The following PARD3 variants were observed in gnomAD, a reference collection of about 807,000 sequenced individuals.
The protein encoded by PARD3 is par-3 family cell polarity regulator, also known as partitioning defective 3 homolog.
PARD3 carries 75 observed loss-of-function variants against 155.4 expected under a neutral mutation model. The ratio of observed to expected loss-of-function variants is 0.48; its 90% confidence interval spans 0.40 to 0.58. The LOEUF (loss-of-function observed/expected upper bound fraction) is 0.58. Ranked by LOEUF, PARD3 falls within the 20% of genes least tolerant of loss-of-function variation. The pLI is 0.00. For synonymous variants in PARD3, 576 were observed against 610.5 expected (o/e 0.94, Z 0.83); for missense variants, 1,642 against 1,721.7 (o/e 0.95, Z 0.82).
chr10:34,724,411 T>C (rs2094663539), intron 1 of PARD3, among the ~76,000 whole-genome samples: 1 of 152,154 alleles, frequency 6.6e-6, no homozygotes, highest in East Asian at 1.9e-4. Flanking sequence ...AAGAGTTTTT[T>C]GTTTTGTTTA....
At chr10:34,602,253 T>C (rs764028777) in intron 2 of PARD3, among the ~76,000 whole-genome samples, 1 of 152,190 alleles carries the variant, frequency 6.6e-6, no homozygotes, top group East Asian at 1.9e-4. Flanking sequence ...TCAAAAAAAA[T>C]TTCAATGTTA....
At position 34,378,087 on chromosome 10, in the gene PARD3, G is replaced by C; in HGVS notation, c.1419C>G (p.Phe473Leu). The part of the protein sequence containing the change: ...QLKKGTEGLG[F>L]SITSRDVTIG... The stretch of plus-strand genomic sequence containing the variant: ...TTGTTACATCTCTGGAAGTGATGCT[G>C]AATCCCAAACCTTCTGTACCTAGGT... The change falls in exon 10 of 25, where the codon TTC (phenylalanine) becomes TTG (leucine). Residue 473 changes from phenylalanine (F) to leucine (L), a missense_variant. This residue lies in a region of PARD3 where 1,529 missense variants were observed against 1,587.3 expected (regional missense o/e 0.96). Coordinates refer to ENST00000374788, the MANE Select transcript of PARD3 (RefSeq NM_001184785.2). The C allele has an allele frequency of 6.3e-7, 1 of 1,592,586 alleles. No homozygotes were observed. The highest frequency in any genetic ancestry group is 2.3e-5 in the East Asian group (1 of 42,914).
chr10:34,178,426 TA>T (rs1294895601), intron 22 of PARD3, among the ~76,000 whole-genome samples: 1 of 152,234 alleles, frequency 6.6e-6, no homozygotes, highest in Non-Finnish European at 1.5e-5. Flanking sequence ...CAACATTTTT[TA>T]ATCTTTTCAA....
intron 22 of PARD3, among the ~76,000 whole-genome samples, chr10:34,150,085 T>C (rs1481912027): frequency 6.6e-6 from 1 of 152,238 alleles, no homozygotes; most frequent in Non-Finnish European, 1.5e-5. Context: ...GCACAGAGTT[T>C]CTTGTCATAT....
At chr10:34,725,148 TGTGA>T (rs1217717857) in intron 1 of PARD3, among the ~76,000 whole-genome samples, 4 of 111,516 alleles carry the variant, frequency 3.6e-5, no homozygotes, top group African/African-American at 1.3e-4. Flanking sequence ...TGTGTGTGTG[TGTGA>T]CAGAGAGAGA....
intron 22 of PARD3, among the ~76,000 whole-genome samples, chr10:34,258,956 C>T (rs1470740109): frequency 6.6e-6 from 1 of 152,072 alleles, no homozygotes; most frequent in African/African-American, 2.4e-5. Context: ...GTAGTCCCAG[C>T]TACTCGAGAG....
chr10:34,559,646 C>T lies in PARD3; in HGVS notation c.223-42487G>A, dbSNP rs546956608. Among the ~76,000 whole-genome samples, 8 of 152,214 alleles carry T rather than the reference C, an allele frequency of 5.3e-5. No homozygotes were observed. The South Asian group carries it at 1.7e-3, about 32-fold the overall frequency. On this transcript the variant is annotated intron_variant, in intron 2 of 24. Transcript: ENST00000374788. ...ACATCAAGATTCTCGAAGTGAATGC[C>T]CACTCATCAATGCCACAATTTCTTC... is the stretch of plus-strand genomic sequence containing the variant.
intron 22 of PARD3, among the ~76,000 whole-genome samples, chr10:34,174,278 C>T (rs1438335074): frequency 1.3e-5 from 2 of 152,116 alleles, no homozygotes; most frequent in Non-Finnish European, 2.9e-5. Flanking sequence ...ATGACTACTG[C>T]GTTAGGTTGA....
intron 22 of PARD3, among the ~76,000 whole-genome samples, chr10:34,212,273 T>G (rs776437605): frequency 5.9e-5 from 9 of 152,114 alleles, no homozygotes; most frequent in Non-Finnish European, 1.2e-4. Context: ...TTCTGAAACA[T>G]CTCTAATAAA....
chr10:34,431,911 G>A (rs1361641727), intron 5 of PARD3, among the ~76,000 whole-genome samples: 3 of 149,952 alleles, frequency 2.0e-5, no homozygotes, highest in Admixed American at 1.3e-4. Context: ...GCGTGGTGGC[G>A]GGCACCTGTA....
intron 12 of PARD3, among the ~76,000 whole-genome samples, chr10:34,363,628 G>A (rs1839673911): frequency 6.6e-6 from 1 of 152,192 alleles, no homozygotes; most frequent in African/African-American, 2.4e-5. Context: ...ATGTAAAATA[G>A]AAACTAACTT....
chr10:34,526,047 A>G (rs1053510474), intron 2 of PARD3, among the ~76,000 whole-genome samples: 4 of 140,500 alleles, frequency 2.8e-5, no homozygotes, highest in African/African-American at 2.7e-5. Context: ...GCACCACTGC[A>G]CTTCAGCCTG....
At chr10:34,785,620 C>T (rs2134203240) in intron 1 of PARD3, among the ~76,000 whole-genome samples, 1 of 152,066 alleles carries the variant, frequency 6.6e-6, no homozygotes, top group South Asian at 2.1e-4. Flanking sequence ...GCCTGTAGTC[C>T]CAGCTATTCG....
intron 22 of PARD3, among the ~76,000 whole-genome samples, chr10:34,226,497 C>T (rs1952609151): frequency 2.6e-5 from 4 of 152,322 alleles, no homozygotes; most frequent in African/African-American, 4.8e-5. Context: ...TTGCTGTGAG[C>T]CAAGATCGCA....
At position 34,224,747 on chromosome 10, in the gene PARD3, G is replaced by A. The variant is rs538417274; in HGVS notation, c.3419+44910C>T. On this transcript the variant is annotated intron_variant, in intron 22 of 24. Transcript: ENST00000374788. ...GTAAATAGCAGAGGTGGAACTGGTC[G>A]CGTGTCTGCTGTCATCTGAGGGTTT... Among the ~76,000 whole-genome samples the A allele has an allele frequency of 2.6e-5, 4 of 152,314 alleles. No homozygotes were observed. The East Asian group carries it at 7.7e-4, about 29-fold the overall frequency.
intron 22 of PARD3, among the ~76,000 whole-genome samples, chr10:34,208,945 A>C (rs549204397): frequency 6.6e-6 from 1 of 152,370 alleles, no homozygotes; most frequent in East Asian, 1.9e-4. Flanking sequence ...CCAAGAATTT[A>C]AATACCTCAA....
At position 34,785,614 on chromosome 10, in the gene PARD3, G is replaced by A. The variant is rs1840861460; in HGVS notation, c.120+29262C>T. Among the ~76,000 whole-genome samples, 4 of 152,242 alleles carry A rather than the reference G, an allele frequency of 2.6e-5. No individual in the cohort carries two copies. The South Asian group carries it at 8.3e-4, about 32-fold the overall frequency. ...TAGCCAGGCATGGTGGTGCATGCCT[G>A]TAGTCCCAGCTATTCGAGAGGCTGA... On this transcript the variant is annotated intron_variant, in intron 1 of 24. Coordinates refer to ENST00000374788, the MANE Select transcript of PARD3 (RefSeq NM_001184785.2).
intron 19 of PARD3, among the ~76,000 whole-genome samples, chr10:34,330,675 C>A (rs181346125): frequency 1.0e-3 from 156 of 152,154 alleles, no homozygotes; most frequent in African/African-American, 1.5e-3. Context: ...TTATATCTAG[C>A]AACATGTACT....
chr10:34,688,754 G>A (rs924862548), intron 2 of PARD3, among the ~76,000 whole-genome samples: 4 of 152,162 alleles, frequency 2.6e-5, no homozygotes, highest in Admixed American at 6.5e-5. Context: ...TGCCCTGAAC[G>A]TTAATAATTA....
Sources: allele counts gnomAD v4.1 joint callset (sites outside exome capture counted in the v4.1 genomes callset), GRCh38; gene constraint gnomAD v4.1.1; regional missense constraint gnomAD v4.1.1; transcripts MANE v1.5; gene names NCBI Gene and HGNC (gene_info 2026-07-23, HGNC 2026-07-21).